The following KIF6 variants were observed in gnomAD, a reference collection of about 807,000 sequenced individuals.
KIF6 encodes the protein kinesin-like protein KIF6.
A neutral mutation model predicts 112.7 loss-of-function variants in KIF6; 106 were observed. That is an observed-to-expected ratio of 0.94 (90% confidence interval 0.80 to 1.11). KIF6 has a LOEUF of 1.11. KIF6 is among the 50% of genes least tolerant of loss of function. The pLI, the probability that KIF6 is intolerant of heterozygous loss-of-function variation, is 0.00. For synonymous variants in KIF6, 339 were observed against 339.9 expected (o/e 1.00, Z 0.03); for missense variants, 929 against 964.0 (o/e 0.96, Z 0.48).
At chr6:39,633,494 C>T (rs1232636656) in intron 5 of KIF6, among the ~76,000 whole-genome samples, 1 of 152,148 alleles carries the variant, frequency 6.6e-6, no homozygotes, top group Non-Finnish European at 1.5e-5. Flanking sequence ...CTTTCAACCT[C>T]CAATGTCAAG....
At chr6:39,501,580 T>C (rs1029011283) in intron 13 of KIF6, among the ~76,000 whole-genome samples, 26 of 152,082 alleles carry the variant, frequency 1.7e-4, no homozygotes, top group African/African-American at 3.6e-4. Flanking sequence ...CTAAGAATCA[T>C]GACAAAATAA....
At chr6:39,687,276 C>G (rs959717312) in intron 3 of KIF6, among the ~76,000 whole-genome samples, 1 of 152,210 alleles carries the variant, frequency 6.6e-6, no homozygotes, top group Non-Finnish European at 1.5e-5. Flanking sequence ...TACATCAGTT[C>G]TGGGAACCAA....
intron 3 of KIF6, among the ~76,000 whole-genome samples, chr6:39,654,900 C>T (rs1234463176): frequency 6.6e-6 from 1 of 152,190 alleles, no homozygotes; most frequent in Admixed American, 6.5e-5. Flanking sequence ...GTTTATTTAA[C>T]CAATTCTCTG....
chr6:39,515,552 T>C (rs984327112), intron 13 of KIF6, among the ~76,000 whole-genome samples: 1 of 152,230 alleles, frequency 6.6e-6, no homozygotes, highest in Non-Finnish European at 1.5e-5. Flanking sequence ...TTGATTCTTA[T>C]CATTAAAACT....
At chr6:39,401,930 G>A (rs1768738514) in intron 15 of KIF6, among the ~76,000 whole-genome samples, 1 of 152,166 alleles carries the variant, frequency 6.6e-6, no homozygotes, top group Non-Finnish European at 1.5e-5. Flanking sequence ...AAACATTCTA[G>A]CTAGTCTATT....
In KIF6 at chr6:39,468,767, G is replaced by GA. The variant is rs60906466; in HGVS notation, c.1646-37607dup. ...TCTAAAGGTTAATTCAATTCCACAT[G>GA]AAAAAAAAAAGGACACCAGTAAAAG... On this transcript the variant is annotated intron_variant, in intron 13 of 22. Transcript: ENST00000287152. Among the ~76,000 whole-genome samples, 1,693 of 143,046 alleles carry GA rather than the reference G, an allele frequency of 0.012. 161 individuals are homozygous for GA. In the East Asian group the frequency reaches 0.25, roughly 21 times the overall value. 93.8% of individuals were successfully genotyped at this position (143,046 alleles called of 152,430 possible).
chr6:39,722,572 T>C (rs1343239182), intron 1 of KIF6, among the ~76,000 whole-genome samples: 2 of 152,258 alleles, frequency 1.3e-5, no homozygotes, highest in Admixed American at 6.5e-5. Flanking sequence ...TATTACAATT[T>C]ACTTTATGAT....
intron 10 of KIF6, among the ~76,000 whole-genome samples, chr6:39,550,694 T>C (rs752259526): frequency 8.7e-5 from 13 of 150,152 alleles, no homozygotes; most frequent in Non-Finnish European, 1.9e-4. Context: ...TCCAGAGAGC[T>C]AGAAAGGAGT....
intron 19 of KIF6, among the ~76,000 whole-genome samples, chr6:39,347,738 A>C (rs1763916924): frequency 6.6e-6 from 1 of 152,004 alleles, no homozygotes; most frequent in Admixed American, 6.5e-5. Flanking sequence ...TACTCTACAG[A>C]CCTGACAAAC....
intron 13 of KIF6, among the ~76,000 whole-genome samples, chr6:39,517,534 C>T (rs1288537027): frequency 4.6e-5 from 7 of 152,148 alleles, no homozygotes; most frequent in Non-Finnish European, 7.3e-5. Context: ...TAAGCAGTGT[C>T]AATCTTCCAT....
In KIF6 at chr6:39,596,264, T is replaced by TA. The variant is rs748098709; in HGVS notation, c.640-5dup. 7 of 1,601,932 alleles carry TA rather than the reference T, an allele frequency of 4.4e-6. No homozygotes were observed. Among genetic ancestry groups the TA allele is most frequent in the Non-Finnish European group, 5.1e-6 (6 of 1,173,470 alleles). The stretch of plus-strand genomic sequence containing the variant: ...TTGAAGCTTGGTTCATAGGAGTCTA[T>TA]AAAAAAATTGCAAAACAAAAATTAT... On this transcript the variant is annotated splice_polypyrimidine_tract_variant and splice_region_variant and intron_variant, in intron 6 of 22. Coordinates refer to ENST00000287152, the MANE Select transcript of KIF6 (RefSeq NM_145027.6).
At chr6:39,365,084 T>C (rs1171248288) in intron 16 of KIF6, among the ~76,000 whole-genome samples, 1 of 152,222 alleles carries the variant, frequency 6.6e-6, no homozygotes, top group African/African-American at 2.4e-5. Context: ...CCTTATTCTG[T>C]CACGCCATTA....
At position 39,596,183 on chromosome 6, in the gene KIF6, T is replaced by G; in HGVS notation, c.717A>C (p.Ala239=). ...GATGGAGTTTGGCATGTCGTACAGT[T>G]GCAGATCCTGGTTCCTTGCTTGACA... ...IHLSSKEPGS[A]TVRHAKLHLV... Residue 239 remains alanine (A), a synonymous_variant, in exon 7 of 23, where the codon GCA becomes GCC. Coordinates refer to ENST00000287152, the MANE Select transcript of KIF6 (RefSeq NM_145027.6). The G allele has an allele frequency of 6.2e-7, 1 of 1,614,096 alleles. No homozygotes were observed. Among genetic ancestry groups the G allele is most frequent in the Non-Finnish European group, 8.5e-7 (1 of 1,179,982 alleles).
intron 19 of KIF6, among the ~76,000 whole-genome samples, chr6:39,352,283 A>G (rs1764314684): frequency 6.6e-6 from 1 of 152,240 alleles, no homozygotes; most frequent in South Asian, 2.1e-4. Flanking sequence ...ATTATTATGA[A>G]CTAAAGTCCA....
chr6:39,472,246 A>G (rs1434476540), intron 13 of KIF6, among the ~76,000 whole-genome samples: 1 of 151,614 alleles, frequency 6.6e-6, no homozygotes, highest in Non-Finnish European at 1.5e-5. Context: ...ACCAAGCCCA[A>G]TTCCCTTCTC....
At chr6:39,487,276 C>A (rs1215312012) in intron 13 of KIF6, among the ~76,000 whole-genome samples, 1 of 152,170 alleles carries the variant, frequency 6.6e-6, no homozygotes, top group Non-Finnish European at 1.5e-5. Context: ...TATCCCCATT[C>A]AGGACCTGGT....
Position 39,714,743 on chromosome 6 carries a change from T to C in KIF6, c.200A>G (p.Asp67Gly). The C allele has an allele frequency of 1.2e-6, 2 of 1,613,222 alleles. No individual in the cohort carries two copies. The change falls in exon 3 of 23, where the codon GAT becomes GGT. Residue 67 changes from aspartate (D) to glycine (G), a missense_variant. By Grantham distance (94) the Asp-to-Gly change is moderately conservative. Around this residue, in one of 2 missense-constraint regions of KIF6, gnomAD observed 688 missense variants for 662.7 expected, o/e 1.04. Coordinates refer to ENST00000287152, the MANE Select transcript of KIF6 (RefSeq NM_145027.6). ...KFKFQRIFDQDANQETVFENI... is the reference protein window; with the variant it reads ...KFKFQRIFDQGANQETVFENI... ...TTCAAAAACGGTCTCTTGGTTTGCA[T>C]CCTGATCAAAAATTCTTTGAAATCT...
intron 8 of KIF6, among the ~76,000 whole-genome samples, chr6:39,585,975 T>C (rs1201250272): frequency 6.6e-6 from 1 of 152,158 alleles, no homozygotes; most frequent in Non-Finnish European, 1.5e-5. Flanking sequence ...TTTCTTTGGG[T>C]GACATTGCCA....
At chr6:39,705,589 T>C (rs1258518974) in intron 3 of KIF6, among the ~76,000 whole-genome samples, 1 of 152,092 alleles carries the variant, frequency 6.6e-6, no homozygotes, top group African/African-American at 2.4e-5. Flanking sequence ...AACACTACAG[T>C]GAACAAAGGT....
Sources: allele counts gnomAD v4.1 joint callset (sites outside exome capture counted in the v4.1 genomes callset), GRCh38; gene constraint gnomAD v4.1.1; regional missense constraint gnomAD v4.1.1; transcripts MANE v1.5; gene names NCBI Gene and HGNC (gene_info 2026-07-23, HGNC 2026-07-21).